Variants in ARFGEF1 observed in about 807,000 individuals in gnomAD.
ARFGEF1 encodes the protein ARF guanine nucleotide exchange factor 1.
A neutral mutation model predicts 231.0 loss-of-function variants in ARFGEF1; 42 were observed. The observed-to-expected ratio is 0.18, with a 90% CI of 0.14 to 0.24. The LOEUF (loss-of-function observed/expected upper bound fraction) is 0.24, where lower values mean the gene tolerates loss of function less well. Ranked by LOEUF, ARFGEF1 falls within the 10% of genes least tolerant of loss-of-function variation. The pLI is 1.00. For synonymous variants in ARFGEF1, 710 were observed against 732.3 expected (o/e 0.97, Z 0.49); for missense variants, 1,345 against 2,192.0 (o/e 0.61, Z 7.72).
At chr8:67,255,369 T>C (rs1271624195) in intron 17 of ARFGEF1, among the ~76,000 whole-genome samples, 1 of 152,196 alleles carries the variant, frequency 6.6e-6, no homozygotes, top group Admixed American at 6.5e-5. Flanking sequence ...TTAAAGCCAG[T>C]TGTTACTACT....
intron 33 of ARFGEF1, among the ~76,000 whole-genome samples, chr8:67,213,078 G>A (rs1007033229): frequency 6.6e-6 from 1 of 152,138 alleles, no homozygotes; most frequent in Non-Finnish European, 1.5e-5. Flanking sequence ...ATTCTGAATG[G>A]ACGTCAGCAC....
chr8:67,209,200 T>C (rs1838633043), intron 34 of ARFGEF1, among the ~76,000 whole-genome samples: 1 of 152,234 alleles, frequency 6.6e-6, no homozygotes, highest in South Asian at 2.1e-4. Flanking sequence ...ACGTCCATCA[T>C]CAGACAAATG....
At chr8:67,243,040 T>C (rs940662729) in intron 19 of ARFGEF1, among the ~76,000 whole-genome samples, 1 of 152,222 alleles carries the variant, frequency 6.6e-6, no homozygotes, top group African/African-American at 2.4e-5. Context: ...TTCTGACTCA[T>C]GTCCCTGGCT....
intron 19 of ARFGEF1, among the ~76,000 whole-genome samples, chr8:67,244,078 TA>T (rs1840017584): frequency 6.6e-6 from 1 of 151,074 alleles, no homozygotes; most frequent in Admixed American, 6.6e-5. Context: ...CTGTCTCTAC[TA>T]AAAATACAAA....
At chr8:67,249,892 G>A (rs1430702156) in intron 19 of ARFGEF1, among the ~76,000 whole-genome samples, 1 of 152,220 alleles carries the variant, frequency 6.6e-6, no homozygotes, top group Non-Finnish European at 1.5e-5. Context: ...GAAGTGCTGG[G>A]AATACAGGCG....
rs371813277 is a variant in ARFGEF1 at position 67,237,340 on chromosome 8, G to A, written c.3289+1003C>T. Among the ~76,000 whole-genome samples the A allele has an allele frequency of 8.7e-4, 132 of 152,324 alleles. 2 individuals are homozygous for A. Among genetic ancestry groups the A allele is most frequent in the South Asian group, 2.3e-3 (11 of 4,828 alleles). The stretch of plus-strand genomic sequence containing the variant: ...CTATGCTATCATGGAGGGACAGACT[G>A]CATTGCTAGCTGCTTCAGTTGATTA... On this transcript the variant is annotated intron_variant, in intron 22 of 38. Transcript: ENST00000262215.
In ARFGEF1 at chr8:67,283,760, G is replaced by GTCAC. The variant is rs71249429; in HGVS notation, c.1027+4194_1027+4195insGTGA. 4.6e-5 allele frequency among the ~76,000 whole-genome samples: 7 copies of GTCAC among 152,180 alleles called. No homozygotes were observed. In the South Asian group the frequency reaches 1.0e-3, roughly 23 times the overall value. On this transcript the variant is annotated intron_variant, in intron 7 of 38. Coordinates refer to ENST00000262215, the MANE Select transcript of ARFGEF1 (RefSeq NM_006421.5). ...GAAAAGATGTTTAATTTCACTCATA[G>GTCAC]AGAAATGCACATTAAAACCAAACTG...
intron 30 of ARFGEF1, among the ~76,000 whole-genome samples, chr8:67,218,575 T>C (rs1385885566): frequency 6.6e-6 from 1 of 152,002 alleles, no homozygotes; most frequent in Admixed American, 6.6e-5. Flanking sequence ...TAAAAATGAC[T>C]TTCCTGAAGT....
chr8:67,188,742 C>T (rs1835375978), intron 5 of ARFGEF1, among the ~76,000 whole-genome samples: 1 of 152,170 alleles, frequency 6.6e-6, no homozygotes, highest in South Asian at 2.1e-4. Flanking sequence ...CACTTCTGAT[C>T]CAGCGGGGTG....
At chr8:67,321,634 T>G (rs959774273) in intron 1 of ARFGEF1, among the ~76,000 whole-genome samples, 14 of 151,752 alleles carry the variant, frequency 9.2e-5, no homozygotes, top group African/African-American at 3.1e-4. Flanking sequence ...CTATTTTTTT[T>G]TATTTTTAAT....
At chr8:67,314,940 TGA>T (rs1258520630) in intron 1 of ARFGEF1, among the ~76,000 whole-genome samples, 1 of 152,162 alleles carries the variant, frequency 6.6e-6, no homozygotes, top group African/African-American at 2.4e-5. Context: ...CTCAGGAGGC[TGA>T]GTCAGGAGGA....
In ARFGEF1 at chr8:67,277,318, A is replaced by G; in HGVS notation, c.1167T>C (p.Pro389=). 2 of 1,613,606 alleles carry G rather than the reference A, an allele frequency of 1.2e-6. No individual in the cohort carries two copies. The highest frequency in any genetic ancestry group is 1.7e-6 in the Non-Finnish European group (2 of 1,179,750). The change falls in exon 8 of 39, where the codon CCT becomes CCC. Residue 389 remains proline (P), a synonymous_variant. Coordinates refer to ENST00000262215, the MANE Select transcript of ARFGEF1 (RefSeq NM_006421.5). ...TGGAAGAGACTGACAATCTATCATC[A>G]GGTAAGGATGGTGTATATGCAACAG... ...PISVAYTPSL[P]DDRLSVSSND... is the part of the protein sequence containing the mutation.
In ARFGEF1 at chr8:67,291,930, T is replaced by C. The variant is rs1706575059; in HGVS notation, c.833A>G (p.Asp278Gly). ...HTNDVDKSLQ[D>G]DTEPENGSDI... ...AGATCCATTTTCAGGCTCTGTGTCA[T>C]CCTGAAGACTTTTATCTACATCATT... The change falls in exon 6 of 39, where the codon GAT (aspartate) becomes GGT (glycine). Residue 278 changes from aspartate (D) to glycine (G), a missense_variant. By Grantham distance (94) the Asp-to-Gly change is moderately conservative. This residue lies in a region of ARFGEF1 where 398 missense variants were observed against 463.2 expected (regional missense o/e 0.86). Transcript: ENST00000262215. 2 of 1,613,984 alleles carry C rather than the reference T, an allele frequency of 1.2e-6. No individual in the cohort carries two copies. Among genetic ancestry groups the C allele is most frequent in the South Asian group, 1.1e-5 (1 of 91,082 alleles).
chr8:67,251,146 A>G (rs1840271616), intron 19 of ARFGEF1, among the ~76,000 whole-genome samples, 153 bp downstream of exon 19: 1 of 152,256 alleles, frequency 6.6e-6, no homozygotes, highest in Non-Finnish European at 1.5e-5. Context: ...ATTTGTATCT[A>G]CTATGTCCTA....
chr8:67,277,976 A>G (rs1805381492), intron 7 of ARFGEF1, among the ~76,000 whole-genome samples: 2 of 152,212 alleles, frequency 1.3e-5, no homozygotes, highest in South Asian at 2.1e-4. Context: ...GAATATCTCT[A>G]ACAATTTATG....
intron 5 of ARFGEF1, among the ~76,000 whole-genome samples, chr8:67,293,513 A>T (rs1235613781): frequency 6.6e-6 from 1 of 152,200 alleles, no homozygotes; most frequent in Non-Finnish European, 1.5e-5. Context: ...AATTAATGCC[A>T]CTACAGAGGA....
At chr8:67,312,046 C>T (rs926917444) in intron 1 of ARFGEF1, among the ~76,000 whole-genome samples, 7 of 152,028 alleles carry the variant, frequency 4.6e-5, no homozygotes, top group South Asian at 2.1e-4. Flanking sequence ...GCAGCATGCT[C>T]GGTAAGAGTC....
At chr8:67,301,420 T>A (rs2128915522) in intron 2 of ARFGEF1, 40 bp from the exon 3 acceptor site, 1 of 1,561,890 alleles carries the variant, frequency 6.4e-7, no homozygotes. Context: ...CGTATCACAT[T>A]TATAATATTG....
Position 67,217,924 on chromosome 8 carries a change from G to A in ARFGEF1, c.4475-4C>T. 1 of 1,613,326 alleles carries A rather than the reference G, an allele frequency of 6.2e-7. No individual in the cohort carries two copies. Among genetic ancestry groups the A allele is most frequent in the Non-Finnish European group, 8.5e-7 (1 of 1,179,602 alleles). On this transcript the variant is annotated splice_region_variant and splice_polypyrimidine_tract_variant and intron_variant, in intron 31 of 38. Coordinates refer to ENST00000262215, the MANE Select transcript of ARFGEF1 (RefSeq NM_006421.5). ...GATCGCGCTAACTGCTCATTGTCTA[G>A]GAAAGAAAAGAGCAATTCATTTATA...
Sources: allele counts gnomAD v4.1 joint callset (sites outside exome capture counted in the v4.1 genomes callset), GRCh38; gene constraint gnomAD v4.1.1; regional missense constraint gnomAD v4.1.1; transcripts MANE v1.5; gene names NCBI Gene and HGNC (gene_info 2026-07-23, HGNC 2026-07-21).